MPPED2: variants seen among roughly 807,000 people sequenced by gnomAD.
MPPED2 encodes the protein metallophosphoesterase MPPED2.
A neutral mutation model predicts 33.0 loss-of-function variants in MPPED2; 5 were observed. The observed-to-expected ratio is 0.15, with a 90% confidence interval of 0.08 to 0.32. The LOEUF is 0.32. MPPED2 is among the 10% of genes least tolerant of loss of function. The pLI, the probability that MPPED2 is intolerant of heterozygous loss-of-function variation, is 1.00. For missense variants in MPPED2, 275 were observed against 372.1 expected (o/e 0.74, Z 2.15); for synonymous variants, 136 against 141.9 (o/e 0.96, Z 0.29).
intron 2 of MPPED2, among the ~76,000 whole-genome samples, chr11:30,568,955 G>T (rs1382215116): frequency 6.6e-6 from 1 of 152,058 alleles, no homozygotes; most frequent in Admixed American, 6.6e-5. Flanking sequence ...AGAAAATGAA[G>T]CTCCACTTAC....
At chr11:30,558,022 T>C (rs1956063847) in intron 2 of MPPED2, among the ~76,000 whole-genome samples, 1 of 152,226 alleles carries the variant, frequency 6.6e-6, no homozygotes, top group African/African-American at 2.4e-5. Flanking sequence ...TCTTTCTTTA[T>C]GTGCCCATGA....
At chr11:30,401,032 G>A (rs1565033751) in intron 6 of MPPED2, among the ~76,000 whole-genome samples, 1 of 152,196 alleles carries the variant, frequency 6.6e-6, no homozygotes. Flanking sequence ...GCTTCCCACA[G>A]TGCTGGGATT....
chr11:30,559,062 G>C (rs574300548), intron 2 of MPPED2, among the ~76,000 whole-genome samples: 22 of 152,214 alleles, frequency 1.4e-4, no homozygotes, highest in Middle Eastern at 3.4e-3. Flanking sequence ...ACTCCAGAAG[G>C]TCATCAATTT....
At chr11:30,458,881 A>G (rs925018089) in intron 4 of MPPED2, among the ~76,000 whole-genome samples, 1 of 142,440 alleles carries the variant, frequency 7.0e-6, no homozygotes, top group African/African-American at 2.6e-5. Context: ...AGACTAGACT[A>G]CTTAAATTTT....
intron 4 of MPPED2, among the ~76,000 whole-genome samples, chr11:30,489,286 G>A (rs929197175): frequency 3.9e-5 from 6 of 152,182 alleles, no homozygotes; most frequent in Non-Finnish European, 7.4e-5. Flanking sequence ...AACATCTGAC[G>A]CTTTCCTGAC....
At chr11:30,524,376 A>C (rs1590708909) in intron 3 of MPPED2, among the ~76,000 whole-genome samples, 1 of 152,220 alleles carries the variant, frequency 6.6e-6, no homozygotes, top group Admixed American at 6.5e-5. Flanking sequence ...AGGTGGACAG[A>C]TAGGTTGGAC....
chr11:30,541,456 C>T lies in MPPED2; in HGVS notation c.129-5281G>A, dbSNP rs75145026. Among the ~76,000 whole-genome samples, 72 of 152,260 alleles carry T rather than the reference C, an allele frequency of 4.7e-4. 1 individual carries two copies. In the East Asian group the frequency reaches 0.014, roughly 29 times the overall value. Reference sequence around the variant, plus strand: ...CTTTAGACCATGTGTGCAGTATAACCTTTGTGTATACAATCAACCTATAAT... The same window carrying T: ...CTTTAGACCATGTGTGCAGTATAACTTTTGTGTATACAATCAACCTATAAT... On this transcript the variant is annotated intron_variant, in intron 2 of 6. Coordinates refer to ENST00000358117, the MANE Select transcript of MPPED2 (RefSeq NM_001584.3).
At chr11:30,481,713 T>A (rs1951495704) in intron 4 of MPPED2, among the ~76,000 whole-genome samples, 1 of 152,048 alleles carries the variant, frequency 6.6e-6, no homozygotes, top group South Asian at 2.1e-4. Flanking sequence ...GGTGTCACAT[T>A]CAGGGATGAA....
chr11:30,530,870 A>C (rs1490285779), intron 3 of MPPED2, among the ~76,000 whole-genome samples: 4 of 152,264 alleles, frequency 2.6e-5, no homozygotes, highest in Non-Finnish European at 4.4e-5. Flanking sequence ...GCCAACGTGC[A>C]GGAAGAACAC....
At chr11:30,548,806 A>T (rs1955565215) in intron 2 of MPPED2, among the ~76,000 whole-genome samples, 1 of 152,200 alleles carries the variant, frequency 6.6e-6, no homozygotes, top group Non-Finnish European at 1.5e-5. Flanking sequence ...CCAAATTTAC[A>T]AAGAGGTTAA....
chr11:30,476,982 C>T (rs757401114), intron 4 of MPPED2, among the ~76,000 whole-genome samples: 13 of 152,034 alleles, frequency 8.6e-5, no homozygotes, highest in Non-Finnish European at 1.5e-4. Context: ...GGTTTTGGTG[C>T]TACTGTAATT....
chr11:30,497,074 G>A (rs1470437756), intron 3 of MPPED2, among the ~76,000 whole-genome samples: 2 of 152,188 alleles, frequency 1.3e-5, no homozygotes, highest in Non-Finnish European at 2.9e-5. Context: ...AGCCCACAGT[G>A]CTGTATGTCA....
At chr11:30,579,097 T>C (rs1196650692) in intron 2 of MPPED2, among the ~76,000 whole-genome samples, 1 of 150,642 alleles carries the variant, frequency 6.6e-6, no homozygotes, top group Non-Finnish European at 1.5e-5. Context: ...CTCCAGAATA[T>C]ACTTGCAAAG....
At chr11:30,506,878 G>A (rs1227167706) in intron 3 of MPPED2, among the ~76,000 whole-genome samples, 1 of 152,220 alleles carries the variant, frequency 6.6e-6, no homozygotes, top group Non-Finnish European at 1.5e-5. Flanking sequence ...GCGGGGCAGG[G>A]CTGCAGAAAC....
chr11:30,454,680 T>C (rs781084482), intron 4 of MPPED2, among the ~76,000 whole-genome samples: 2 of 152,178 alleles, frequency 1.3e-5, no homozygotes, highest in Non-Finnish European at 2.9e-5. Flanking sequence ...GAAAAATGAA[T>C]AGAATGGTGT....
At chr11:30,546,704 C>T (rs1004501640) in intron 2 of MPPED2, among the ~76,000 whole-genome samples, 6 of 152,102 alleles carry the variant, frequency 3.9e-5, no homozygotes, top group Non-Finnish European at 7.3e-5. Flanking sequence ...TTTCTAAGAA[C>T]CATCAATGCC....
At position 30,460,679 on chromosome 11, in the gene MPPED2, A is replaced by G. The variant is rs1010366189; in HGVS notation, c.536+34617T>C. On this transcript the variant is annotated intron_variant, in intron 4 of 6. Transcript: ENST00000358117. ...ATATTTTTAAAATTTTTAATTTTAA[A>G]TTAAGAAAAGAATCAGATGAATACT... Among the ~76,000 whole-genome samples the G allele has an allele frequency of 2.0e-5, 3 of 152,328 alleles. No individual in the cohort carries two copies. In the South Asian group the frequency reaches 6.2e-4, roughly 32 times the overall value.
chr11:30,548,530 T>C (rs1470195838), intron 2 of MPPED2, among the ~76,000 whole-genome samples: 2 of 152,180 alleles, frequency 1.3e-5, no homozygotes, highest in South Asian at 2.1e-4. Context: ...TAAGTAACTA[T>C]TGCTTGTAAA....
intron 2 of MPPED2, among the ~76,000 whole-genome samples, chr11:30,547,677 T>G (rs1232743827): frequency 6.6e-6 from 1 of 152,166 alleles, no homozygotes; most frequent in African/African-American, 2.4e-5. Context: ...TCAATCGACT[T>G]CCCCTCCACT....
Sources: gnomAD v4.1 joint callset for allele counts (sites outside exome capture counted in the v4.1 genomes callset) on GRCh38, gnomAD v4.1.1 for gene constraint, MANE v1.5 for transcripts, NCBI Gene and HGNC (gene_info 2026-07-23, HGNC 2026-07-21) for gene names.